CFAP144: variants seen among roughly 807,000 people sequenced by gnomAD.
CFAP144 encodes cilia- and flagella-associated protein 144.
the CFAP144 span, among the ~76,000 whole-genome samples, chr1:43,149,137 A>G: frequency 6.6e-6 from 1 of 152,170 alleles, no homozygotes; most frequent in Non-Finnish European, 1.5e-5. Context: ...GCACTATGCT[A>G]GGAGGACAAT....
At chr1:43,143,172 GA>G in the CFAP144 span, among the ~76,000 whole-genome samples, 28 of 152,142 alleles carry the variant, frequency 1.8e-4, no homozygotes, top group Non-Finnish European at 3.4e-4. Context: ...ATAATGGTTT[GA>G]AAGGAATCAA....
chr1:43,152,803 T>C, the CFAP144 span: 1 of 1,588,738 alleles, frequency 6.3e-7, no homozygotes, highest in Non-Finnish European at 8.6e-7. Flanking sequence ...CCTGACTCCT[T>C]CATAACTCAT....
At chr1:43,155,118 T>C in the CFAP144 span, among the ~76,000 whole-genome samples, 1 of 152,206 alleles carries the variant, frequency 6.6e-6, no homozygotes, top group Admixed American at 6.5e-5. Context: ...TGAAAAGTAA[T>C]TCAGGGTTCC....
the CFAP144 span, chr1:43,147,829 G>A: frequency 1.3e-6 from 2 of 1,526,244 alleles, no homozygotes; most frequent in Non-Finnish European, 1.8e-6. Context: ...GCCCCGACCG[G>A]GCAGCACTAC....
chr1:43,145,071 C>G, the CFAP144 span: 1 of 593,072 alleles, frequency 1.7e-6, no homozygotes, highest in Non-Finnish European at 3.0e-6. Context: ...TATTTTGTCT[C>G]CATTCCCGTC....
the CFAP144 span, among the ~76,000 whole-genome samples, chr1:43,145,736 T>C: frequency 6.6e-6 from 1 of 152,200 alleles, no homozygotes; most frequent in African/African-American, 2.4e-5. Flanking sequence ...TTAGGGAACT[T>C]GACAAGCTCA....
the CFAP144 span, among the ~76,000 whole-genome samples, chr1:43,143,339 A>G: frequency 5.9e-5 from 9 of 152,222 alleles, no homozygotes; most frequent in African/African-American, 1.4e-4. Context: ...AACTGTCCGT[A>G]AAGAAGCAGT....
the CFAP144 span, among the ~76,000 whole-genome samples, chr1:43,143,725 C>A: frequency 6.6e-6 from 1 of 152,190 alleles, no homozygotes; most frequent in African/African-American, 2.4e-5. Context: ...AAGAGTAAGT[C>A]ATCAAACCAA....
chr1:43,153,349 C>T, the CFAP144 span, among the ~76,000 whole-genome samples: 9 of 152,210 alleles, frequency 5.9e-5, no homozygotes, highest in Non-Finnish European at 1.0e-4. Flanking sequence ...GTGGCTCACA[C>T]CTGGCATCCC....
the CFAP144 span, among the ~76,000 whole-genome samples, chr1:43,153,540 C>T: frequency 6.6e-6 from 1 of 151,594 alleles, no homozygotes; most frequent in African/African-American, 2.4e-5. Context: ...ACCCAGGAGG[C>T]GGAGGTTGCA....
the CFAP144 span, among the ~76,000 whole-genome samples, chr1:43,153,483 G>A: frequency 2.0e-5 from 3 of 151,976 alleles, no homozygotes; most frequent in South Asian, 4.2e-4. Flanking sequence ...GGTGTCGCAC[G>A]CTTATAGTCC....
the CFAP144 span, chr1:43,145,337 A>G: frequency 3.5e-6 from 5 of 1,430,902 alleles, no homozygotes; most frequent in African/African-American, 7.1e-5. Context: ...AGTGAGTGCA[A>G]CCCCTGAGAA....
At chr1:43,148,664 A>G in the CFAP144 span, among the ~76,000 whole-genome samples, 3 of 152,064 alleles carry the variant, frequency 2.0e-5, no homozygotes, top group Non-Finnish European at 4.4e-5. Flanking sequence ...AGCAGGAGGA[A>G]AGCCAGGCTC....
chr1:43,145,782 C>T, the CFAP144 span, among the ~76,000 whole-genome samples: 3,108 of 152,238 alleles, frequency 0.02, 111 homozygotes, highest in African/African-American at 0.071. Context: ...GGCCAAGAAG[C>T]GGCAAGACTG....
chr1:43,143,705 G>A, the CFAP144 span, among the ~76,000 whole-genome samples: 1 of 152,184 alleles, frequency 6.6e-6, no homozygotes, highest in Non-Finnish European at 1.5e-5. Context: ...CTACGTTTAT[G>A]GTTCCAGTTA....
At chr1:43,150,345 C>A in the CFAP144 span, among the ~76,000 whole-genome samples, 1 of 152,294 alleles carries the variant, frequency 6.6e-6, no homozygotes, top group South Asian at 2.1e-4. Context: ...CCTGGCAAAC[C>A]TCTTTGGCCT....
chr1:43,144,727 C>A, the CFAP144 span, among the ~76,000 whole-genome samples: 68 of 152,266 alleles, frequency 4.5e-4, no homozygotes, highest in Non-Finnish European at 7.8e-4. Flanking sequence ...TCTGCTGCCA[C>A]CACGTTCATC....
the CFAP144 span, among the ~76,000 whole-genome samples, chr1:43,151,212 G>GT: frequency 1.4e-4 from 21 of 152,254 alleles, no homozygotes; most frequent in South Asian, 1.0e-3. Flanking sequence ...CATTGGGCAG[G>GT]TTTTTTACCT....
chr1:43,154,102 T>TATA, the CFAP144 span, among the ~76,000 whole-genome samples: 80 of 118,696 alleles, frequency 6.7e-4, 1 homozygote, highest in Non-Finnish European at 1.3e-3. Flanking sequence ...ATATATATAC[T>TATA]CTCTTTTTAT....
Sources: allele counts gnomAD v4.1 joint callset (sites outside exome capture counted in the v4.1 genomes callset), GRCh38; gene constraint gnomAD v4.1.1; transcripts MANE v1.5; gene names NCBI Gene and HGNC (gene_info 2026-07-23, HGNC 2026-07-21).